Variants in NUP205 observed in about 807,000 individuals in gnomAD.
NUP205 encodes the protein nuclear pore complex protein Nup205.
A neutral mutation model predicts 253.8 loss-of-function variants in NUP205; 76 were observed. That is an observed-to-expected ratio of 0.30 (90% CI 0.25 to 0.36). NUP205 has a LOEUF of 0.36. Ranked by LOEUF, NUP205 falls within the 10% of genes least tolerant of loss-of-function variation. NUP205 has a pLI of 1.00. For synonymous variants in NUP205, 832 were observed against 850.1 expected (o/e 0.98, Z 0.37); for missense variants, 2,162 against 2,425.5 (o/e 0.89, Z 2.28).
chr7:135,574,661 T>C (rs1806100229), intron 3 of NUP205, among the ~76,000 whole-genome samples: 1 of 152,194 alleles, frequency 6.6e-6, no homozygotes, highest in Non-Finnish European at 1.5e-5. Context: ...TTTTGCATGA[T>C]AATGAAAGGT....
At chr7:135,645,355 C>A in intron 40 of NUP205, 113 bp from the exon 41 acceptor site, 2 of 1,069,660 alleles carry the variant, frequency 1.9e-6, no homozygotes, top group South Asian at 1.5e-5. Context: ...TAGACTGAGG[C>A]TGTGGGTACC....
chr7:135,602,831 C>G lies in NUP205; in HGVS notation c.2539C>G (p.Gln847Glu), dbSNP rs1301600941. 5 of 1,613,386 alleles carry G rather than the reference C, an allele frequency of 3.1e-6. No homozygotes were observed. The South Asian group carries it at 3.3e-5, about 11-fold the overall frequency. ...GAAAAAACACCTGGAGAAAGCAGTA[C>G]AGCATTGCCTTGCACTTCTCAATCT... Reference protein sequence around the residue: ...PGKKHLEKAVQHCLALLNLTL... With the variant: ...PGKKHLEKAVEHCLALLNLTL... Residue 847 changes from glutamine (Q) to glutamate (E), a missense_variant, in exon 18 of 43, where the codon CAG becomes GAG. Physicochemically the swap from Gln to Glu is conservative, Grantham distance 29. Coordinates refer to ENST00000285968, the MANE Select transcript of NUP205 (RefSeq NM_015135.3).
At chr7:135,648,025 C>T (rs762852560) in intron 42 of NUP205, among the ~76,000 whole-genome samples, 6 of 152,048 alleles carry the variant, frequency 3.9e-5, no homozygotes, top group Non-Finnish European at 8.8e-5. Context: ...TGTCCTCCCT[C>T]CCTCCCTTCC....
chr7:135,578,477 G>A (rs1289818643), intron 6 of NUP205, among the ~76,000 whole-genome samples: 1 of 152,142 alleles, frequency 6.6e-6, no homozygotes, highest in African/African-American at 2.4e-5. Flanking sequence ...AAAAATGAGT[G>A]TCTAACTTTT....
intron 35 of NUP205, among the ~76,000 whole-genome samples, chr7:135,632,467 T>C (rs1363533209): frequency 6.6e-6 from 1 of 152,148 alleles, no homozygotes; most frequent in Non-Finnish European, 1.5e-5. Flanking sequence ...TCCATTTTTA[T>C]GTTGCTTTGG....
At position 135,628,044 on chromosome 7, in the gene NUP205, C is replaced by G; in HGVS notation, c.4865C>G (p.Pro1622Arg). Residue 1622 changes from proline (P) to arginine (R), a missense_variant, in exon 34 of 43, where the codon CCA becomes CGA. Around this residue, in one of 5 missense-constraint regions of NUP205, gnomAD observed 1,144 missense variants for 1,280.9 expected, o/e 0.89. Transcript: ENST00000285968. ...PVDRYRQILL[P>R]ALQLCQVILT... Reference sequence around the variant, plus strand: ...GATCGCTACCGCCAGATTCTCCTCCCAGCTCTCCAGCTGTGCCAGGTCATC... The same window carrying G: ...GATCGCTACCGCCAGATTCTCCTCCGAGCTCTCCAGCTGTGCCAGGTCATC... The G allele has an allele frequency of 6.2e-7, 1 of 1,611,346 alleles. No homozygotes were observed. The highest frequency in any genetic ancestry group is 2.2e-5 in the East Asian group (1 of 44,816).
At chr7:135,582,431 C>T (rs61154727) in intron 7 of NUP205, among the ~76,000 whole-genome samples, 5,180 of 151,820 alleles carry the variant, frequency 0.034, 118 homozygotes, top group Middle Eastern at 0.1. Flanking sequence ...CTAGTCATAC[C>T]AAAGAATTAA....
Position 135,594,743 on chromosome 7 carries a change from G to T in NUP205, c.2013+14G>T. ...GAATACACTCAGGTAGGGCTCTGAA[G>T]TCCCTTATTTATATTATCCCAATGT... On this transcript the variant is annotated intron_variant, in intron 13 of 42. Transcript: ENST00000285968. 1 of 1,595,034 alleles carries T rather than the reference G, an allele frequency of 6.3e-7. No homozygotes were observed. Among genetic ancestry groups the T allele is most frequent in the South Asian group, 1.1e-5 (1 of 88,284 alleles).
chr7:135,597,279 G>C, intron 13 of NUP205, 89 bp from the exon 14 acceptor site: 1 of 855,200 alleles, frequency 1.2e-6, no homozygotes, highest in Non-Finnish European at 2.0e-6. Context: ...GGTCCAGTGG[G>C]TGAGGTATGT....
Position 135,577,902 on chromosome 7 carries a change from A to G in NUP205, c.755A>G (p.His252Arg), listed in dbSNP as rs780342213. Residue 252 changes from histidine (H) to arginine (R), a missense_variant, in exon 6 of 43, where the codon CAT becomes CGT. His to Arg is a conservative substitution (Grantham distance 29). Around this residue, in one of 5 missense-constraint regions of NUP205, gnomAD observed 892 missense variants for 957.1 expected, o/e 0.93. Transcript: ENST00000285968. ...GKEDTLLLIGHLERVTVEANG... is the reference protein window; with the variant it reads ...GKEDTLLLIGRLERVTVEANG... The stretch of plus-strand genomic sequence containing the variant: ...GAAGACACTCTCCTCCTCATTGGAC[A>G]TTTGGAAAGAGTGACAGTTGAGGCT... 1 of 1,614,140 alleles carries G rather than the reference A, an allele frequency of 6.2e-7. No individual in the cohort carries two copies. The highest frequency in any genetic ancestry group is 8.5e-7 in the Non-Finnish European group (1 of 1,179,988).
chr7:135,632,725 C>T (rs777761205), intron 35 of NUP205, among the ~76,000 whole-genome samples: 6 of 151,988 alleles, frequency 3.9e-5, no homozygotes, highest in Non-Finnish European at 7.4e-5. Flanking sequence ...CAAGTCAGGC[C>T]ACCCTTCTTG....
chr7:135,617,599 C>T lies in NUP205; in HGVS notation c.3691-3C>T, dbSNP rs1794388167. 2 of 1,609,314 alleles carry T rather than the reference C, an allele frequency of 1.2e-6. No homozygotes were observed. Among genetic ancestry groups the T allele is most frequent in the African/African-American group, 1.3e-5 (1 of 74,728 alleles). ...ATTTTTCTTTCTTTTCCTAATTATCCAGCTTCTTCATAGGGTTCTTGTAGC... is the reference window on the plus strand; with the variant it reads ...ATTTTTCTTTCTTTTCCTAATTATCTAGCTTCTTCATAGGGTTCTTGTAGC... On this transcript the variant is annotated splice_region_variant and splice_polypyrimidine_tract_variant and intron_variant, in intron 26 of 42. Transcript: ENST00000285968.
intron 22 of NUP205, among the ~76,000 whole-genome samples, chr7:135,610,542 G>C (rs555225188): frequency 3.3e-5 from 5 of 152,166 alleles, no homozygotes; most frequent in African/African-American, 9.6e-5. Context: ...CTGTGACCTT[G>C]CTACTCAAAT....
chr7:135,624,511 G>C (rs1375904411), intron 31 of NUP205, among the ~76,000 whole-genome samples: 1 of 152,198 alleles, frequency 6.6e-6, no homozygotes, highest in Non-Finnish European at 1.5e-5. Context: ...GAGTAGCTCA[G>C]ATTACAGGTG....
chr7:135,583,479 G>A (rs1806366262), intron 7 of NUP205, among the ~76,000 whole-genome samples: 1 of 152,074 alleles, frequency 6.6e-6, no homozygotes, highest in Non-Finnish European at 1.5e-5. Flanking sequence ...TGTGATAATG[G>A]CCAGGCGCAG....
intron 42 of NUP205, 37 bp downstream of exon 42, chr7:135,646,268 A>C (rs1194631933): frequency 6.8e-7 from 1 of 1,468,316 alleles, no homozygotes; most frequent in South Asian, 1.1e-5. Context: ...ATTTTTCTTC[A>C]TTAAAGTAAA....
intron 33 of NUP205, among the ~76,000 whole-genome samples, chr7:135,627,239 T>C (rs565106337): frequency 2.0e-5 from 3 of 152,292 alleles, no homozygotes; most frequent in South Asian, 4.1e-4. Flanking sequence ...ACAATAAATA[T>C]TAGCTTATTA....
At chr7:135,569,368 C>T (rs547933045) in intron 1 of NUP205, among the ~76,000 whole-genome samples, 5 of 152,324 alleles carry the variant, frequency 3.3e-5, no homozygotes, top group Admixed American at 6.5e-5. Context: ...CCACCGTGCC[C>T]GGCCTTAGTA....
intron 16 of NUP205, 91 bp downstream of exon 16, chr7:135,601,060 TTTAAA>T (rs1472164795): frequency 7.6e-6 from 5 of 655,164 alleles, no homozygotes; most frequent in African/African-American, 7.5e-5. Flanking sequence ...AAATTATACT[TTTAAA>T]TTAGAATTTA....
Sources: allele counts gnomAD v4.1 joint callset (sites outside exome capture counted in the v4.1 genomes callset), GRCh38; gene constraint gnomAD v4.1.1; regional missense constraint gnomAD v4.1.1; transcripts MANE v1.5; gene names NCBI Gene and HGNC (gene_info 2026-07-23, HGNC 2026-07-21).